The following ZNF837 variants were observed in gnomAD, a reference collection of about 807,000 sequenced individuals.
ZNF837 encodes zinc finger protein 837.
For synonymous variants in ZNF837, 475 were observed against 365.2 expected (o/e 1.30, Z -3.43); for missense variants, 955 against 801.7 (o/e 1.19, Z -2.31).
rs1201688085 is a variant in ZNF837, at chr19:58,368,556, G to A, written c.777C>T (p.Arg259=). 4 of 1,537,212 alleles carry A rather than the reference G, an allele frequency of 2.6e-6. No homozygotes were observed. The highest frequency in any genetic ancestry group is 3.9e-5 in the Admixed American group (2 of 50,648). The change falls in exon 3 of 3, where the codon CGC becomes CGT. Residue 259 remains arginine (R), a synonymous_variant. Transcript: ENST00000597582. ...CPECGQTSRP[R]PIVPDPPAQR... ...GGGCCGGGGGGTCGGGGACAATAGGGCGAGGTCGCGAGGTTTGGCCGCACT... is the reference window on the plus strand; with the variant it reads ...GGGCCGGGGGGTCGGGGACAATAGGACGAGGTCGCGAGGTTTGGCCGCACT...
At chr19:58,370,799 G>A (rs2052193173) in intron 1 of ZNF837, among the ~76,000 whole-genome samples, 1 of 152,074 alleles carries the variant, frequency 6.6e-6, no homozygotes, top group South Asian at 2.1e-4. Context: ...GGAGGCTAAA[G>A]CAAGAGAATC....
chr19:58,368,647 CG>C lies in ZNF837; in HGVS notation c.685del (p.Arg229GlyfsTer178), dbSNP rs1163203602. ...GTTGGGGCGGAAGCGCTTCCCGCAC[CG>C]GGCACACGGACGGGGCTCCTCCGTC... Reference protein sequence around the residue: ...QATEEPRPCARCGKRFRPNQQ... With the variant: ...QATEEPRPCAXCGKRFRPNQQ... On this transcript the variant is annotated frameshift_variant, in exon 3 of 3. Coordinates refer to ENST00000597582, the MANE Select transcript of ZNF837 (RefSeq NM_138466.2). LOFTEE classifies it low-confidence loss of function (END_TRUNC). 6.5e-7 allele frequency: 1 copy of C among 1,529,168 alleles called. No individual in the cohort carries two copies. The highest frequency in any genetic ancestry group is 8.8e-7 in the Non-Finnish European group (1 of 1,142,500). The allele number at this position is 1,529,168 out of a possible 1,614,324, so 94.7% of individuals were successfully genotyped here. A position where few individuals can be genotyped will look rare whatever the true frequency, so the allele number is the denominator to read the frequency against.
At chr19:58,374,604 A>T (rs984249179) in intron 1 of ZNF837, among the ~76,000 whole-genome samples, 1 of 152,150 alleles carries the variant, frequency 6.6e-6, no homozygotes, top group Non-Finnish European at 1.5e-5. Flanking sequence ...TATAGTGGTG[A>T]TGGTTGCACA....
In ZNF837 at chr19:58,369,304, T is replaced by C; in HGVS notation, c.29A>G (p.Gln10Arg). 7.2e-7 allele frequency: 1 copy of C among 1,380,038 alleles called. No homozygotes were observed. The highest frequency in any genetic ancestry group is 9.3e-7 in the Non-Finnish European group (1 of 1,072,514). 85.5% of individuals were successfully genotyped at this position (1,380,038 alleles called of 1,614,324 possible). Residue 10 changes from glutamine to arginine, a missense_variant, in exon 3 of 3, where the codon CAG becomes CGG. By Grantham distance (43) the Gln-to-Arg change is conservative. Transcript: ENST00000597582. MEAPAQKAG[Q>R]GGLPKADAQG... ...GGCATCGGCCTTGGGGAGTCCTCCCTGCCCAGCCTTCTGGGCTGGAGCCTC... is the reference window on the plus strand; with the variant it reads ...GGCATCGGCCTTGGGGAGTCCTCCCCGCCCAGCCTTCTGGGCTGGAGCCTC...
chr19:58,375,303 TATATATATAA>T (rs200223190), intron 1 of ZNF837, among the ~76,000 whole-genome samples: 17,887 of 80,042 alleles, frequency 0.22, 2,981 homozygotes, highest in Non-Finnish European at 0.33. Context: ...TATATATATA[TATATATATAA>T]AATTACATAT....
chr19:58,375,787 A>G (rs1409729838), intron 1 of ZNF837, among the ~76,000 whole-genome samples: 1 of 147,712 alleles, frequency 6.8e-6, no homozygotes, highest in African/African-American at 2.5e-5. Flanking sequence ...GAATGCACCC[A>G]TGCCACAGTG....
At chr19:58,374,268 C>T (rs973313078) in intron 1 of ZNF837, among the ~76,000 whole-genome samples, 2 of 151,972 alleles carry the variant, frequency 1.3e-5, no homozygotes, top group Admixed American at 6.6e-5. Flanking sequence ...TTCACAGTAG[C>T]CAAAATGGAG....
rs961588476 is a variant in ZNF837, at chr19:58,369,262, G to T, written c.71C>A (p.Ala24Asp). 1.4e-6 allele frequency: 2 copies of T among 1,410,076 alleles called. No homozygotes were observed. The highest frequency in any genetic ancestry group is 1.5e-5 in the African/African-American group (1 of 65,646). The allele number at this position is 1,410,076 out of a possible 1,614,324, so 87.3% of individuals were successfully genotyped here. A position where few individuals can be genotyped will look rare whatever the true frequency, so the allele number is the denominator to read the frequency against. The part of the protein sequence containing the change: ...PKADAQGASG[A>D]REKRPEEPRP... The stretch of plus-strand genomic sequence containing the variant: ...CGGCTCCTCGGGCCTCTTCTCCCGG[G>T]CCCCGGAGGCACCCTGGGCATCGGC... Residue 24 changes from alanine to aspartate, a missense_variant, in exon 3 of 3, where the codon GCC becomes GAC. Ala to Asp is a moderately radical substitution (Grantham distance 126, BLOSUM62 -2). Transcript: ENST00000597582.
Position 58,368,700 on chromosome 19 carries a change from C to T in ZNF837, c.633G>A (p.Leu211=), listed in dbSNP as rs766894698. 50 of 1,533,920 alleles carry T rather than the reference C, an allele frequency of 3.3e-5. No individual in the cohort carries two copies. In the African/African-American group the frequency reaches 5.2e-4, roughly 16 times the overall value. Residue 211 remains leucine (L), a synonymous_variant, in exon 3 of 3, where the codon CTG becomes CTA. Transcript: ENST00000597582. The part of the protein sequence containing the change: ...ACGEAFAWRA[L]RIPQERLQAT... The stretch of plus-strand genomic sequence containing the variant: ...CCTGCAGCCTCTCCTGGGGGATCCG[C>T]AGGGCCCTCCACGCAAAGGCCTCGC...
At chr19:58,377,533 G>A (rs375986976) in intron 1 of ZNF837, among the ~76,000 whole-genome samples, 2 of 152,038 alleles carry the variant, frequency 1.3e-5, no homozygotes, top group East Asian at 3.9e-4. Context: ...CAGCTGTCAG[G>A]AAGCTAAGGT....
chr19:58,377,214 CAAAA>C (rs59075033), intron 1 of ZNF837, among the ~76,000 whole-genome samples: 2 of 95,032 alleles, frequency 2.1e-5, no homozygotes, highest in African/African-American at 4.2e-5. Flanking sequence ...GAGACTCCGT[CAAAA>C]AAAAAAAAAA....
chr19:58,369,481 G>A (rs72629171), intron 2 of ZNF837, 120 bp from the exon 3 acceptor site: 2 of 777,784 alleles, frequency 2.6e-6, no homozygotes, highest in East Asian at 3.4e-5. Flanking sequence ...GCTCTCTGCA[G>A]ATGCGAAAGG....
chr19:58,369,068 G>C lies in ZNF837; in HGVS notation c.265C>G (p.Arg89Gly), dbSNP rs2052175044. Residue 89 changes from arginine to glycine, a missense_variant, in exon 3 of 3, where the codon CGG becomes GGG. Physicochemically the swap from Arg to Gly is moderately radical, Grantham distance 125. Transcript: ENST00000597582. ...GAAGAGGTGGGGCCGCACGGCTCCC[G>C]CACGAGGGGTCTGGTCCCGGCGCTG... ...RHSAGTRPLV[R>G]EPCGPTSSQN... 3 of 1,520,780 alleles carry C rather than the reference G, an allele frequency of 2.0e-6. No homozygotes were observed. The highest frequency in any genetic ancestry group is 2.6e-6 in the Non-Finnish European group (3 of 1,133,388). 94.2% of individuals were successfully genotyped at this position (1,520,780 alleles called of 1,614,324 possible). A position where few individuals can be genotyped will look rare whatever the true frequency, so the allele number is the denominator to read the frequency against.
rs2052167732 is a variant in ZNF837, at chr19:58,368,667, C to T, written c.666G>A (p.Glu222=). 3.3e-6 allele frequency: 5 copies of T among 1,529,732 alleles called. No individual in the cohort carries two copies. Among genetic ancestry groups the T allele is most frequent in the African/African-American group, 1.4e-5 (1 of 72,968 alleles). The allele number at this position is 1,529,732 out of a possible 1,614,324, so 94.8% of individuals were successfully genotyped here. A position where few individuals can be genotyped will look rare whatever the true frequency, so the allele number is the denominator to read the frequency against. ...CGCACCGGGCACACGGACGGGGCTC[C>T]TCCGTCGCCTGCAGCCTCTCCTGGG... is the stretch of plus-strand genomic sequence containing the variant. ...RIPQERLQAT[E]EPRPCARCGK... is the part of the protein sequence containing the mutation. The change falls in exon 3 of 3, where the codon GAG becomes GAA. Residue 222 remains glutamate (E), a synonymous_variant. Coordinates refer to ENST00000597582, the MANE Select transcript of ZNF837 (RefSeq NM_138466.2).
chr19:58,369,163 C>G lies in ZNF837; in HGVS notation c.170G>C (p.Arg57Thr), dbSNP rs1347327954. 4.1e-6 allele frequency: 6 copies of G among 1,451,752 alleles called. No individual in the cohort carries two copies. In the Admixed American group the frequency reaches 1.4e-4, roughly 35 times the overall value. 89.9% of individuals were successfully genotyped at this position (1,451,752 alleles called of 1,614,324 possible). ...GGAGCCCCCGCCTGGGGGAGTCGTC[C>G]TACCGCCCGCCGCTCCACGCAGGTC... is the stretch of plus-strand genomic sequence containing the variant. ...KGDLRGAAGGRTTPPGGGSRG... is the reference protein window; with the variant it reads ...KGDLRGAAGGTTTPPGGGSRG... Residue 57 changes from arginine (R) to threonine (T), a missense_variant, in exon 3 of 3, where the codon AGG becomes ACG. Arg to Thr is a moderately conservative substitution (Grantham distance 71). Coordinates refer to ENST00000597582, the MANE Select transcript of ZNF837 (RefSeq NM_138466.2).
chr19:58,377,214 C>CA (rs59075033), intron 1 of ZNF837, among the ~76,000 whole-genome samples: 3,074 of 94,986 alleles, frequency 0.032, 201 homozygotes, highest in African/African-American at 0.11. Flanking sequence ...GAGACTCCGT[C>CA]AAAAAAAAAA....
In ZNF837 at chr19:58,369,045, AGAG is replaced by A; in HGVS notation, c.285_287del (p.Ser97del). ...GGATAACCAGCTCAGGGTTCTGAGA[AGAG>A]GTGGGGCCGCACGGCTCCCGCACGA... On this transcript the variant is annotated inframe_deletion, in exon 3 of 3. Transcript: ENST00000597582. 2.6e-6 allele frequency: 4 copies of A among 1,515,236 alleles called. No individual in the cohort carries two copies. The highest frequency in any genetic ancestry group is 3.5e-6 in the Non-Finnish European group (4 of 1,130,434). 93.9% of individuals were successfully genotyped at this position (1,515,236 alleles called of 1,614,324 possible).
chr19:58,371,998 G>A (rs1046689205), intron 1 of ZNF837, among the ~76,000 whole-genome samples: 10 of 152,158 alleles, frequency 6.6e-5, no homozygotes, highest in African/African-American at 2.4e-4. Flanking sequence ...TGGGATTACA[G>A]GCGTGAGCCA....
chr19:58,372,302 A>G (rs1599924770), intron 1 of ZNF837, among the ~76,000 whole-genome samples: 1 of 150,600 alleles, frequency 6.6e-6, no homozygotes, highest in African/African-American at 2.4e-5. Flanking sequence ...CAGGTGATCC[A>G]CCCGTCTCGG....
Sources: allele counts gnomAD v4.1 joint callset (sites outside exome capture counted in the v4.1 genomes callset), GRCh38; gene constraint gnomAD v4.1.1; transcripts MANE v1.5; gene names NCBI Gene and HGNC (gene_info 2026-07-23, HGNC 2026-07-21).